The following SLF1 variants were observed in gnomAD, a reference collection of about 807,000 sequenced individuals.
SLF1 encodes the protein SMC5/6 complex localization factor 1.
Under a neutral mutation model 123.0 loss-of-function variants are expected in SLF1, and 105 were observed. The ratio of observed to expected loss-of-function variants is 0.85; its 90% CI spans 0.73 to 1.00. The LOEUF is 1.00. Among genes scored for constraint, SLF1 ranks in the 50% least tolerant of loss-of-function variants. The pLI, the probability that SLF1 is intolerant of heterozygous loss-of-function variation, is 0.00. For missense variants in SLF1, 1,239 were observed against 1,223.0 expected, an observed-to-expected ratio of 1.01 and a Z score of -0.20; for synonymous variants, 434 against 406.6, an observed-to-expected ratio of 1.07 and a Z score of -0.81.
At chr5:94,680,193 G>A (rs1751603322) in intron 15 of SLF1, among the ~76,000 whole-genome samples, 1 of 152,182 alleles carries the variant, frequency 6.6e-6, no homozygotes, top group South Asian at 2.1e-4. Context: ...AGGAATCCAG[G>A]TTATAACTGG....
At chr5:94,676,676 G>T (rs1751106003) in intron 14 of SLF1, among the ~76,000 whole-genome samples, 1 of 152,238 alleles carries the variant, frequency 6.6e-6, no homozygotes, top group African/African-American at 2.4e-5. Context: ...CACGAATGCA[G>T]TATGCTGCCC....
chr5:94,624,919 G>T (rs1389366068), intron 1 of SLF1, among the ~76,000 whole-genome samples: 3 of 151,808 alleles, frequency 2.0e-5, no homozygotes, highest in African/African-American at 7.3e-5. Context: ...TGGGTGGGTG[G>T]CTCATGCCTG....
intron 15 of SLF1, among the ~76,000 whole-genome samples, chr5:94,684,732 G>A (rs536665078): frequency 6.8e-6 from 1 of 147,014 alleles, no homozygotes; most frequent in African/African-American, 2.5e-5. Flanking sequence ...AAGTATCTCT[G>A]TAGAGGCCAT....
chr5:94,651,827 C>T lies in SLF1; in HGVS notation c.864C>T (p.Ser288=). The T allele has an allele frequency of 1.4e-6, 2 of 1,426,546 alleles. No individual in the cohort carries two copies. Among genetic ancestry groups the T allele is most frequent in the Non-Finnish European group, 1.9e-6 (2 of 1,068,100 alleles). The allele number at this position is 1,426,546 out of a possible 1,614,324, so 88.4% of individuals were successfully genotyped here. A position where few individuals can be genotyped will look rare whatever the true frequency, so the allele number is the denominator to read the frequency against. The change falls in exon 7 of 21, where the codon AGC becomes AGT. Residue 288 remains serine, a synonymous_variant. Transcript: ENST00000265140. ...KFVKMRNTFG[S]HTYENQKEIK... is the part of the protein sequence containing the mutation. ...TTAAAATGAGAAATACCTTTGGAAGCCATACATATGAAAATCAGGTACAAC... is the reference window on the plus strand; with the variant it reads ...TTAAAATGAGAAATACCTTTGGAAGTCATACATATGAAAATCAGGTACAAC...
In SLF1 at chr5:94,627,513, T is replaced by TA. The variant is rs1251239121; in HGVS notation, c.1-1297dup. Among the ~76,000 whole-genome samples the TA allele has an allele frequency of 2.7e-5, 4 of 149,212 alleles. No homozygotes were observed. The East Asian group carries it at 7.8e-4, about 29-fold the overall frequency. ...ATTAAGGTCCCTATGAAAATAAACT[T>TA]AGATTTTTTTTAAAAAGTGATTTTT... On this transcript the variant is annotated intron_variant, in intron 1 of 20. Transcript: ENST00000265140.
At chr5:94,625,206 A>T (rs72773515) in intron 1 of SLF1, among the ~76,000 whole-genome samples, 33,361 of 150,598 alleles carry the variant, frequency 0.22, 3,843 homozygotes, top group East Asian at 0.34. Flanking sequence ...AAAAAAAAAA[A>T]AAATATTAAA....
rs755464064 is a variant in SLF1 at position 94,688,627 on chromosome 5, A to G, written c.2243A>G (p.Asn748Ser). ...FDSQRTLLML[N>S]GTKQKQVEGL... The stretch of plus-strand genomic sequence containing the variant: ...TCTCAGAGAACCTTACTAATGCTGA[A>G]TGGTACTAAACAAAAACAAGTCGAA... Residue 748 changes from asparagine (N) to serine (S), a missense_variant, in exon 17 of 21, where the codon AAT (asparagine) becomes AGT (serine). Asn to Ser is a conservative substitution (Grantham distance 46). Transcript: ENST00000265140. 1 of 1,614,126 alleles carries G rather than the reference A, an allele frequency of 6.2e-7. No individual in the cohort carries two copies. The highest frequency in any genetic ancestry group is 1.7e-5 in the Admixed American group (1 of 60,030).
chr5:94,623,935 G>T (rs1416769671), intron 1 of SLF1, among the ~76,000 whole-genome samples: 2 of 152,122 alleles, frequency 1.3e-5, no homozygotes, highest in South Asian at 4.1e-4. Flanking sequence ...ATTAGATCCT[G>T]TAATACAGGT....
chr5:94,691,425 A>C, intron 18 of SLF1, 139 bp from the exon 19 acceptor site: 5 of 204,866 alleles, frequency 2.4e-5, no homozygotes, highest in South Asian at 5.2e-5. Flanking sequence ...AATGCAGGGG[A>C]TGTTTAAACC....
chr5:94,670,705 TATTATA>T, intron 13 of SLF1, 132 bp from the exon 14 acceptor site: 3 of 644,842 alleles, frequency 4.7e-6, no homozygotes, highest in Non-Finnish European at 7.8e-6. Context: ...TTTTGTCCTT[TATTATA>T]ATTGTTATAA....
At chr5:94,647,968 G>A (rs1747255305) in intron 5 of SLF1, among the ~76,000 whole-genome samples, 1 of 152,156 alleles carries the variant, frequency 6.6e-6, no homozygotes, top group Admixed American at 6.5e-5. Flanking sequence ...TTAGGAAACA[G>A]TTTATTTCTT....
intron 5 of SLF1, among the ~76,000 whole-genome samples, chr5:94,645,825 G>A (rs147570120): frequency 6.6e-6 from 1 of 152,182 alleles, no homozygotes; most frequent in Admixed American, 6.5e-5. Flanking sequence ...GATCACTTCT[G>A]ATCACAGAAG....
chr5:94,636,270 G>A (rs944502812), intron 4 of SLF1, among the ~76,000 whole-genome samples: 1 of 152,056 alleles, frequency 6.6e-6, no homozygotes, highest in African/African-American at 2.4e-5. Context: ...ATACTCCTTT[G>A]GGTTAAATTT....
At chr5:94,619,553 T>C (rs918828817) in intron 1 of SLF1, among the ~76,000 whole-genome samples, 2 of 152,208 alleles carry the variant, frequency 1.3e-5, no homozygotes, top group African/African-American at 4.8e-5. Context: ...AGGAGTTAGA[T>C]GGAGCTTGAT....
chr5:94,626,570 A>G (rs991456985), intron 1 of SLF1, among the ~76,000 whole-genome samples: 2 of 152,216 alleles, frequency 1.3e-5, no homozygotes, highest in African/African-American at 4.8e-5. Context: ...CAAAAATCAG[A>G]TAAATTGAGG....
intron 5 of SLF1, among the ~76,000 whole-genome samples, chr5:94,644,985 A>G (rs1234939182): frequency 6.6e-6 from 1 of 152,228 alleles, no homozygotes; most frequent in Non-Finnish European, 1.5e-5. Context: ...ATATCATTAT[A>G]TAGTTACCTT....
chr5:94,657,674 T>G (rs1473217722), intron 9 of SLF1, among the ~76,000 whole-genome samples: 1 of 152,026 alleles, frequency 6.6e-6, no homozygotes, highest in Non-Finnish European at 1.5e-5. Context: ...GAAGTCTCTG[T>G]CTCCCTCTAG....
intron 15 of SLF1, among the ~76,000 whole-genome samples, chr5:94,685,477 T>C (rs1170241611): frequency 6.6e-6 from 1 of 152,178 alleles, no homozygotes; most frequent in Non-Finnish European, 1.5e-5. Context: ...ATTTATTCTT[T>C]CATTATCATT....
intron 1 of SLF1, among the ~76,000 whole-genome samples, chr5:94,620,663 C>A (rs1791703341): frequency 6.6e-6 from 1 of 152,064 alleles, no homozygotes; most frequent in African/African-American, 2.4e-5. Context: ...CTAAACAAAA[C>A]GAATTCTCTC....
Sources: allele counts gnomAD v4.1 joint callset (sites outside exome capture counted in the v4.1 genomes callset), GRCh38; gene constraint gnomAD v4.1.1; transcripts MANE v1.5; gene names NCBI Gene and HGNC (gene_info 2026-07-23, HGNC 2026-07-21).